C17orf113: variants seen among roughly 807,000 people sequenced by gnomAD.
The protein encoded by C17orf113 is uncharacterized protein C17orf113.
C17orf113 carries 5 observed loss-of-function variants against 11.6 expected under a neutral mutation model. The ratio of observed to expected loss-of-function variants is 0.43; its 90% CI spans 0.23 to 0.91. The LOEUF (loss-of-function observed/expected upper bound fraction) is 0.91. Ranked by LOEUF, C17orf113 falls within the 40% of genes least tolerant of loss-of-function variation. C17orf113 has a pLI of 0.26. For synonymous variants in C17orf113, 327 were observed against 390.6 expected (o/e 0.84, Z 1.92); for missense variants, 714 against 841.3 (o/e 0.85, Z 1.87).
Position 42,039,993 on chromosome 17 carries a change from G to A in C17orf113, c.1740C>T (p.Cys580=), listed in dbSNP as rs1324917368. 1.6e-6 allele frequency: 2 copies of A among 1,231,054 alleles called. No homozygotes were observed. The highest frequency in any genetic ancestry group is 2.0e-6 in the Non-Finnish European group (2 of 987,472). 76.3% of individuals were successfully genotyped at this position (1,231,054 alleles called of 1,614,324 possible). A position where few individuals can be genotyped will look rare whatever the true frequency, so the allele number is the denominator to read the frequency against. ...GLGRLGPRAL[C]TQLACAHSEL... ...CCGAGTGCGCGCACGCCAGCTGGGT[G>A]CACAGGGCCCGCGGGCCGAGCCGCC... Residue 580 remains cysteine, a synonymous_variant, in exon 3 of 3, where the codon TGC becomes TGT. Transcript: ENST00000587304.
At chr17:42,042,778 T>C in intron 2 of C17orf113, 56 bp downstream of exon 2, 1 of 1,205,268 alleles carries the variant, frequency 8.3e-7, no homozygotes, top group Non-Finnish European at 1.0e-6. Context: ...TGTTCCCAGG[T>C]GGCTCAGTGT....
At chr17:42,047,340 T>C (rs1374521313) in intron 1 of C17orf113, among the ~76,000 whole-genome samples, 1 of 151,912 alleles carries the variant, frequency 6.6e-6, no homozygotes, top group Non-Finnish European at 1.5e-5. Flanking sequence ...CCCCGGCTAA[T>C]TTTTTTGAAT....
At chr17:42,049,895 C>T (rs2053246590) in intron 1 of C17orf113, among the ~76,000 whole-genome samples, 1 of 152,252 alleles carries the variant, frequency 6.6e-6, no homozygotes, top group Admixed American at 6.5e-5. Context: ...AGGCACTTTT[C>T]AAGTGCTTAG....
At chr17:42,044,131 C>T (rs1333859806) in intron 1 of C17orf113, among the ~76,000 whole-genome samples, 3 of 127,036 alleles carry the variant, frequency 2.4e-5, no homozygotes, top group African/African-American at 8.3e-5. Flanking sequence ...CATGGCAAAA[C>T]CCCATCTCTA....
At chr17:42,048,559 CA>C (rs2053218342) in intron 1 of C17orf113, among the ~76,000 whole-genome samples, 1 of 151,972 alleles carries the variant, frequency 6.6e-6, no homozygotes, top group African/African-American at 2.4e-5. Flanking sequence ...AAAACAAAAA[CA>C]AAAGCAAATA....
At chr17:42,047,885 C>A (rs1182317387) in intron 1 of C17orf113, among the ~76,000 whole-genome samples, 1 of 151,774 alleles carries the variant, frequency 6.6e-6, no homozygotes, top group Non-Finnish European at 1.5e-5. Context: ...GAACTCCTGA[C>A]CTCGTGATCT....
rs1555655952 is a variant in C17orf113, at chr17:42,040,064, C to T, written c.1669G>A (p.Ala557Thr). 1.6e-6 allele frequency: 2 copies of T among 1,231,094 alleles called. No individual in the cohort carries two copies. Among genetic ancestry groups the T allele is most frequent in the African/African-American group, 3.1e-5 (2 of 64,412 alleles). 76.3% of individuals were successfully genotyped at this position (1,231,094 alleles called of 1,614,324 possible). A position where few individuals can be genotyped will look rare whatever the true frequency, so the allele number is the denominator to read the frequency against. The change falls in exon 3 of 3, where the codon GCG (alanine) becomes ACG (threonine). Residue 557 changes from alanine to threonine, a missense_variant. Ala to Thr is a moderately conservative substitution (Grantham distance 58). Coordinates refer to ENST00000587304, the MANE Select transcript of C17orf113 (RefSeq NM_001358661.2). The part of the protein sequence containing the change: ...GFAPAVVRQR[A>T]LGDFALFKRV... ...TTAAACAGCGCGAAGTCGCCCAGCGCCCGCTGGCGCACCACGGCAGGAGCA... is the reference window on the plus strand; with the variant it reads ...TTAAACAGCGCGAAGTCGCCCAGCGTCCGCTGGCGCACCACGGCAGGAGCA...
At chr17:42,048,583 A>T (rs1418197556) in intron 1 of C17orf113, among the ~76,000 whole-genome samples, 7 of 152,052 alleles carry the variant, frequency 4.6e-5, no homozygotes, top group Non-Finnish European at 1.0e-4. Flanking sequence ...CCCCTCTCCC[A>T]ATCATCCCTG....
Position 42,041,019 on chromosome 17 carries a change from G to A in C17orf113, c.714C>T (p.Gly238=). 1 of 1,232,334 alleles carries A rather than the reference G, an allele frequency of 8.1e-7. No homozygotes were observed. The highest frequency in any genetic ancestry group is 1.0e-6 in the Non-Finnish European group (1 of 988,080). The allele number at this position is 1,232,334 out of a possible 1,614,324, so 76.3% of individuals were successfully genotyped here. A position where few individuals can be genotyped will look rare whatever the true frequency, so the allele number is the denominator to read the frequency against. Residue 238 remains glycine, a synonymous_variant, in exon 3 of 3, where the codon GGC becomes GGT. Coordinates refer to ENST00000587304, the MANE Select transcript of C17orf113 (RefSeq NM_001358661.2). ...CCTCGCCCTCCTGTAGCTCCACACT[G>A]CCCAGGAAGGTGGTGGCGGGCTGGC... ...CDGQPATTFL[G]SVELQEGEAT...
Position 42,043,028 on chromosome 17 carries a change from A to G in C17orf113, c.349T>C (p.Ser117Pro). Residue 117 changes from serine to proline, a missense_variant, in exon 2 of 3, where the codon TCC becomes CCC. Coordinates refer to ENST00000587304, the MANE Select transcript of C17orf113 (RefSeq NM_001358661.2). ...TCTAACTCCACCTTGACGCCCCTGG[A>G]GGCAGGGGTCGTAGCCAGGCCTGGG... ...ACPGLATTPASRGVKVELDPA... is the reference protein window; with the variant it reads ...ACPGLATTPAPRGVKVELDPA... The G allele has an allele frequency of 8.1e-7, 1 of 1,232,294 alleles. No individual in the cohort carries two copies. Among genetic ancestry groups the G allele is most frequent in the Non-Finnish European group, 1.0e-6 (1 of 988,060 alleles). 76.3% of individuals were successfully genotyped at this position (1,232,294 alleles called of 1,614,324 possible).
intron 1 of C17orf113, among the ~76,000 whole-genome samples, chr17:42,046,647 A>G (rs2143712864): frequency 6.6e-6 from 1 of 152,194 alleles, no homozygotes; most frequent in South Asian, 2.1e-4. Context: ...AAAATACGAG[A>G]GGCCAAGGCA....
rs529256698 is a variant in C17orf113 at position 42,041,318 on chromosome 17, G to A, written c.544-129C>T. On this transcript the variant is annotated intron_variant, in intron 2 of 2. Transcript: ENST00000587304. The stretch of plus-strand genomic sequence containing the variant: ...TTAGACAGACTTAGGGACTAATCCT[G>A]GCTTTGCCACTTACTGGCTGTGCTA... 13 of 810,116 alleles carry A rather than the reference G, an allele frequency of 1.6e-5. No individual in the cohort carries two copies. In the South Asian group the frequency reaches 4.6e-4, roughly 29 times the overall value. The allele number at this position is 810,116 out of a possible 1,614,324, so 50.2% of individuals were successfully genotyped here. A position where few individuals can be genotyped will look rare whatever the true frequency, so the allele number is the denominator to read the frequency against.
At position 42,040,993 on chromosome 17, in the gene C17orf113, G is replaced by T; in HGVS notation, c.740C>A (p.Ala247Asp). 8.1e-7 allele frequency: 1 copy of T among 1,232,298 alleles called. No individual in the cohort carries two copies. The highest frequency in any genetic ancestry group is 1.0e-6 in the Non-Finnish European group (1 of 988,040). The allele number at this position is 1,232,298 out of a possible 1,614,324, so 76.3% of individuals were successfully genotyped here. A position where few individuals can be genotyped will look rare whatever the true frequency, so the allele number is the denominator to read the frequency against. ...LGSVELQEGEATAGQLLDILQ... is the reference protein window; with the variant it reads ...LGSVELQEGEDTAGQLLDILQ... ...GATGTCCAAGAGCTGGCCAGCAGTG[G>T]CCTCGCCCTCCTGTAGCTCCACACT... The change falls in exon 3 of 3, where the codon GCC becomes GAC. Residue 247 changes from alanine (A) to aspartate (D), a missense_variant. Physicochemically the swap from Ala to Asp is moderately radical, Grantham distance 126. Around this residue, in one of 3 missense-constraint regions of C17orf113, gnomAD observed 516 missense variants for 626.6 expected, o/e 0.82. Coordinates refer to ENST00000587304, the MANE Select transcript of C17orf113 (RefSeq NM_001358661.2).
At chr17:42,041,791 T>C (rs2053028758) in intron 2 of C17orf113, among the ~76,000 whole-genome samples, 1 of 152,042 alleles carries the variant, frequency 6.6e-6, no homozygotes, top group Admixed American at 6.6e-5. Context: ...ACCCAGCCCA[T>C]AGGACTTACA....
At chr17:42,047,319 A>G (rs1486098067) in intron 1 of C17orf113, among the ~76,000 whole-genome samples, 5 of 151,912 alleles carry the variant, frequency 3.3e-5, no homozygotes, top group African/African-American at 1.2e-4. Flanking sequence ...GGTGTGAGCC[A>G]CTGCGCCTGG....
intron 2 of C17orf113, among the ~76,000 whole-genome samples, chr17:42,042,529 A>AT (rs1242667056): frequency 1.3e-5 from 2 of 152,082 alleles, no homozygotes; most frequent in East Asian, 3.8e-4. Flanking sequence ...AAGAAAAAAA[A>AT]AAAAAATTAA....
intron 2 of C17orf113, among the ~76,000 whole-genome samples, chr17:42,042,484 T>C (rs1457922302): frequency 1.3e-5 from 2 of 151,646 alleles, no homozygotes; most frequent in African/African-American, 4.9e-5. Flanking sequence ...ATCACGCCAC[T>C]GCTCTCCAGC....
Position 42,039,779 on chromosome 17 carries a change from A to T in C17orf113, c.1954T>A (p.Phe652Ile). The T allele has an allele frequency of 8.1e-7, 1 of 1,232,120 alleles. No homozygotes were observed. The allele number at this position is 1,232,120 out of a possible 1,614,324, so 76.3% of individuals were successfully genotyped here. A position where few individuals can be genotyped will look rare whatever the true frequency, so the allele number is the denominator to read the frequency against. The change falls in exon 3 of 3, where the codon TTT becomes ATT. Residue 652 changes from phenylalanine (F) to isoleucine (I), a missense_variant. Physicochemically the swap from Phe to Ile is conservative, Grantham distance 21. This residue lies in a region of C17orf113 where 194 missense variants were observed against 197.2 expected (regional missense o/e 0.98). Transcript: ENST00000587304. ...IAVDGPPLHE[F>I]DFGLAVEFLE... ...AACTCCACAGCCAACCCGAAGTCAA[A>T]CTCGTGCAGCGGGGGCCCATCCACT...
Position 42,040,080 on chromosome 17 carries a change from G to A in C17orf113, c.1653C>T (p.Ala551=), listed in dbSNP as rs1454731534. The A allele has an allele frequency of 4.9e-6, 6 of 1,231,158 alleles. No individual in the cohort carries two copies. Among genetic ancestry groups the A allele is most frequent in the African/African-American group, 4.7e-5 (3 of 64,412 alleles). 76.3% of individuals were successfully genotyped at this position (1,231,158 alleles called of 1,614,324 possible). ...CGCCCAGCGCCCGCTGGCGCACCACGGCAGGAGCAAAGCCGCGCAGCAGCA... is the reference window on the plus strand; with the variant it reads ...CGCCCAGCGCCCGCTGGCGCACCACAGCAGGAGCAAAGCCGCGCAGCAGCA... ...LRVLLRGFAP[A]VVRQRALGDF... is the part of the protein sequence containing the mutation. The change falls in exon 3 of 3, where the codon GCC becomes GCT. Residue 551 remains alanine (A), a synonymous_variant. Transcript: ENST00000587304.
Sources: allele counts gnomAD v4.1 joint callset (sites outside exome capture counted in the v4.1 genomes callset), GRCh38; gene constraint gnomAD v4.1.1; regional missense constraint gnomAD v4.1.1; transcripts MANE v1.5; gene names NCBI Gene and HGNC (gene_info 2026-07-23, HGNC 2026-07-21).